The following ANKRD42 variants were observed in gnomAD, a reference collection of about 807,000 sequenced individuals.
The protein encoded by ANKRD42 is ankyrin repeat domain-containing protein 42.
Under a neutral mutation model 51.5 loss-of-function variants are expected in ANKRD42, and 43 were observed. That is an observed-to-expected ratio of 0.83 (90% confidence interval 0.65 to 1.08). The LOEUF is 1.08. Among genes scored for constraint, ANKRD42 ranks in the 50% least tolerant of loss-of-function variants. The pLI is 0.00. For missense variants in ANKRD42, 608 were observed against 629.3 expected (o/e 0.97, Z 0.36); for synonymous variants, 203 against 213.0 (o/e 0.95, Z 0.41).
At chr11:83,225,251 T>G (rs1862841626) in intron 6 of ANKRD42, among the ~76,000 whole-genome samples, 196 bp downstream of exon 6, 1 of 152,194 alleles carries the variant, frequency 6.6e-6, no homozygotes, top group South Asian at 2.1e-4. Context: ...TCTAGATTCT[T>G]TACTATGAAA....
chr11:83,255,589 C>T (rs1333726905), intron 11 of ANKRD42, among the ~76,000 whole-genome samples: 1 of 152,090 alleles, frequency 6.6e-6, no homozygotes, highest in African/African-American at 2.4e-5. Context: ...GACAAGTAGC[C>T]ACTTCTTACC....
chr11:83,211,355 C>T lies in ANKRD42; in HGVS notation c.511C>T (p.Arg171Trp), dbSNP rs745929198. ...RPVHYAAFHG[R>W]LGCLQLLVKW... The stretch of plus-strand genomic sequence containing the variant: ...TGTGCATTATGCAGCTTTTCATGGG[C>T]GGCTTGGCTGCTTGCAACTTCTTGT... The change falls in exon 5 of 11, where the codon CGG becomes TGG. Residue 171 changes from arginine (R) to tryptophan (W), a missense_variant. Arg to Trp is a moderately radical substitution (Grantham distance 101, BLOSUM62 -3). Coordinates refer to ENST00000533342, the MANE Select transcript of ANKRD42 (RefSeq NM_001300975.2). 10 of 1,613,960 alleles carry T rather than the reference C, an allele frequency of 6.2e-6. No individual in the cohort carries two copies. The highest frequency in any genetic ancestry group is 3.3e-5 in the Admixed American group (2 of 59,992).
intron 7 of ANKRD42, among the ~76,000 whole-genome samples, chr11:83,232,751 T>A (rs752034907): frequency 2.0e-5 from 3 of 152,186 alleles, no homozygotes; most frequent in Non-Finnish European, 4.4e-5. Context: ...GTTGAATTTG[T>A]CCCTTCTATA....
downstream of ANKRD42, among the ~76,000 whole-genome samples, chr11:83,250,821 A>G (rs890227472): frequency 1.3e-5 from 2 of 152,172 alleles, no homozygotes; most frequent in Non-Finnish European, 2.9e-5. Flanking sequence ...CCTTTAGATC[A>G]TACAAAAAGC....
chr11:83,228,230 TC>T, intron 7 of ANKRD42, among the ~76,000 whole-genome samples: 3 of 47,166 alleles, frequency 6.4e-5, no homozygotes, highest in African/African-American at 4.1e-4. Context: ...CCTCTCTCTC[TC>T]TTTTTTTTTT....
intron 3 of ANKRD42, among the ~76,000 whole-genome samples, chr11:83,208,710 GA>G (rs1222659172): frequency 6.6e-6 from 1 of 152,180 alleles, no homozygotes; most frequent in Admixed American, 6.5e-5. Context: ...AGGGAAATCT[GA>G]AAAGCAAGGA....
At chr11:83,225,477 A>T (rs1164112319) in intron 6 of ANKRD42, among the ~76,000 whole-genome samples, 19 of 151,726 alleles carry the variant, frequency 1.3e-4, no homozygotes, top group Admixed American at 1.2e-3. Flanking sequence ...AGGTGGGAGG[A>T]TGGATTGAGC....
chr11:83,257,351 T>C (rs549465092), downstream of ANKRD42: 1 of 454,138 alleles, frequency 2.2e-6, no homozygotes, highest in African/African-American at 2.0e-5. Flanking sequence ...AAGAGAGTCA[T>C]AATTCTTTGC....
intron 9 of ANKRD42, among the ~76,000 whole-genome samples, chr11:83,242,567 G>GTTTTGTTTTTTTTTTTTT (rs1863419215): frequency 8.7e-6 from 1 of 115,546 alleles, no homozygotes; most frequent in Non-Finnish European, 1.8e-5. Context: ...TGGTAGTTAA[G>GTTTTGTTTTTTTTTTTTT]TTTTTTTTTT....
chr11:83,227,881 T>C lies in ANKRD42; in HGVS notation c.913+9T>C. ...AACTCCTATGCATAAAGGTGAGTTA[T>C]GATTCCTCCTTTCAGTTCGGATACA... On this transcript the variant is annotated intron_variant, in intron 7 of 10. Transcript: ENST00000533342. 2 of 1,593,080 alleles carry C rather than the reference T, an allele frequency of 1.3e-6. No homozygotes were observed. Among genetic ancestry groups the C allele is most frequent in the Non-Finnish European group, 1.7e-6 (2 of 1,172,860 alleles).
chr11:83,216,475 C>T (rs1408905138), intron 5 of ANKRD42, among the ~76,000 whole-genome samples: 2 of 152,124 alleles, frequency 1.3e-5, no homozygotes, highest in African/African-American at 4.8e-5. Flanking sequence ...CAGGCGCCCG[C>T]CACCTCGCCC....
intron 5 of ANKRD42, among the ~76,000 whole-genome samples, chr11:83,221,861 C>G (rs1009589063): frequency 3.3e-5 from 5 of 152,180 alleles, no homozygotes; most frequent in African/African-American, 1.2e-4. Context: ...CTACCTCTCC[C>G]CTTTGTCTCT....
chr11:83,209,702 T>C, intron 3 of ANKRD42: 1 of 714,784 alleles, frequency 1.4e-6, no homozygotes, highest in Admixed American at 2.1e-5. Flanking sequence ...AACATCTTTC[T>C]GACAACATTT....
At chr11:83,196,431 G>GTGTGTGTGT (rs1861660574) in intron 1 of ANKRD42, among the ~76,000 whole-genome samples, 1 of 146,952 alleles carries the variant, frequency 6.8e-6, no homozygotes, top group African/African-American at 2.5e-5. Context: ...GTGTGTGTGT[G>GTGTGTGTGT]GTTTCTTGAC....
At chr11:83,219,087 G>T (rs113175865) in intron 5 of ANKRD42, among the ~76,000 whole-genome samples, 17 of 152,116 alleles carry the variant, frequency 1.1e-4, no homozygotes, top group African/African-American at 3.9e-4. Context: ...TCAAGGTGTG[G>T]TGCTCATCCG....
At chr11:83,258,299 T>C (rs1169353711), downstream of ANKRD42, among the ~76,000 whole-genome samples, 2 of 152,172 alleles carry the variant, frequency 1.3e-5, no homozygotes, top group Admixed American at 1.3e-4. Context: ...TGTATATTTA[T>C]TCATAAATCA....
chr11:83,241,071 C>G, intron 9 of ANKRD42, 137 bp downstream of exon 9: 1 of 984,204 alleles, frequency 1.0e-6, no homozygotes, highest in Non-Finnish European at 1.5e-6. Flanking sequence ...GGAACTAGAA[C>G]TAATATAAGT....
downstream of ANKRD42, among the ~76,000 whole-genome samples, chr11:83,253,723 G>T (rs1863713652): frequency 6.6e-6 from 1 of 152,128 alleles, no homozygotes; most frequent in South Asian, 2.1e-4. Flanking sequence ...GTAAGATAAA[G>T]AAACGAGTAA....
intron 7 of ANKRD42, 125 bp downstream of exon 7, chr11:83,227,997 G>A: frequency 9.0e-7 from 1 of 1,112,358 alleles, no homozygotes; most frequent in Non-Finnish European, 1.2e-6. Flanking sequence ...GCAGATATCA[G>A]TCTATCTTGT....
Sources: gnomAD v4.1 joint callset for allele counts (sites outside exome capture counted in the v4.1 genomes callset) on GRCh38, gnomAD v4.1.1 for gene constraint, MANE v1.5 for transcripts, NCBI Gene and HGNC (gene_info 2026-07-23, HGNC 2026-07-21) for gene names.